ZNF704: variants seen among roughly 807,000 people sequenced by gnomAD.
ZNF704 encodes zinc finger protein 704, also known as glucocorticoid induced gene 1.
ZNF704 carries 10 observed loss-of-function variants against 44.7 expected under a neutral mutation model. The ratio of observed to expected loss-of-function variants is 0.22; its 90% CI spans 0.14 to 0.38. The LOEUF (loss-of-function observed/expected upper bound fraction) is 0.38, where lower values mean the gene tolerates loss of function less well. ZNF704 is among the 10% of genes least tolerant of loss of function. The pLI is 1.00. For synonymous variants in ZNF704, 211 were observed against 207.6 expected, an observed-to-expected ratio of 1.02 and a Z score of -0.14; for missense variants, 390 against 545.5, an observed-to-expected ratio of 0.71 and a Z score of 2.84.
At chr8:80,667,957 C>T (rs750015323) in intron 5 of ZNF704, among the ~76,000 whole-genome samples, 3 of 152,090 alleles carry the variant, frequency 2.0e-5, no homozygotes, top group Admixed American at 2.0e-4. Flanking sequence ...ATAAACACTA[C>T]GTAAAATGCT....
intron 2 of ZNF704, among the ~76,000 whole-genome samples, chr8:80,753,507 AC>A (rs1451549049): frequency 2.6e-5 from 4 of 152,064 alleles, no homozygotes; most frequent in Admixed American, 6.5e-5. Flanking sequence ...CTGAGCCCAA[AC>A]AACAAAAGTT....
At chr8:80,700,182 T>A (rs546233254) in intron 2 of ZNF704, among the ~76,000 whole-genome samples, 216 of 152,340 alleles carry the variant, frequency 1.4e-3, no homozygotes, top group East Asian at 4.4e-3. Context: ...CAGCCTTTTT[T>A]AAATTGCTTG....
intron 2 of ZNF704, among the ~76,000 whole-genome samples, chr8:80,791,629 A>C (rs1586030233): frequency 6.6e-6 from 1 of 152,212 alleles, no homozygotes; most frequent in African/African-American, 2.4e-5. Flanking sequence ...TATACACAGC[A>C]AAACACTTCC....
intron 1 of ZNF704, among the ~76,000 whole-genome samples, chr8:80,850,978 ATAAT>A (rs1381246486): frequency 6.6e-6 from 1 of 152,200 alleles, no homozygotes; most frequent in Non-Finnish European, 1.5e-5. Context: ...TGAGAAATAA[ATAAT>A]TAGACAATTT....
chr8:80,849,376 ACCTTTC>A (rs1808820357), intron 1 of ZNF704, among the ~76,000 whole-genome samples: 1 of 152,166 alleles, frequency 6.6e-6, no homozygotes, highest in African/African-American at 2.4e-5. Context: ...CTACTATGTT[ACCTTTC>A]CCCACCCTCC....
intron 1 of ZNF704, among the ~76,000 whole-genome samples, chr8:80,872,654 A>G (rs950730776): frequency 2.0e-5 from 3 of 152,172 alleles, no homozygotes; most frequent in Admixed American, 1.3e-4. Context: ...ATGAATCTCA[A>G]CGTGGTTTGC....
chr8:80,840,497 A>G (rs753802737), intron 1 of ZNF704, among the ~76,000 whole-genome samples: 12 of 152,212 alleles, frequency 7.9e-5, no homozygotes, highest in Non-Finnish European at 1.6e-4. Context: ...AACAATCATA[A>G]TAATAACAGT....
At chr8:80,768,065 G>A (rs1236336711) in intron 2 of ZNF704, among the ~76,000 whole-genome samples, 1 of 152,150 alleles carries the variant, frequency 6.6e-6, no homozygotes, top group East Asian at 1.9e-4. Flanking sequence ...GGGCATGCAT[G>A]TTGCAACACA....
intron 7 of ZNF704, among the ~76,000 whole-genome samples, chr8:80,643,444 G>C (rs1053150692): frequency 6.7e-6 from 1 of 150,134 alleles, no homozygotes; most frequent in East Asian, 1.9e-4. Flanking sequence ...CTTGAACCCC[G>C]GGGCGGAGGT....
At chr8:80,778,111 AC>A (rs1807446430) in intron 2 of ZNF704, among the ~76,000 whole-genome samples, 1 of 152,138 alleles carries the variant, frequency 6.6e-6, no homozygotes, top group South Asian at 2.1e-4. Flanking sequence ...ATATTTGCAA[AC>A]CACACATCTG....
At chr8:80,681,815 G>A (rs1193707659) in intron 4 of ZNF704, among the ~76,000 whole-genome samples, 1 of 152,138 alleles carries the variant, frequency 6.6e-6, no homozygotes, top group African/African-American at 2.4e-5. Context: ...GAAAGATTGA[G>A]ACTGGGCTAG....
chr8:80,841,266 C>G (rs1310615078), intron 1 of ZNF704, among the ~76,000 whole-genome samples: 1 of 152,220 alleles, frequency 6.6e-6, no homozygotes, highest in Non-Finnish European at 1.5e-5. Flanking sequence ...GAAACCAAGT[C>G]ACACACAGAA....
intron 2 of ZNF704, among the ~76,000 whole-genome samples, chr8:80,708,337 G>A (rs941799098): frequency 6.6e-6 from 1 of 152,218 alleles, no homozygotes; most frequent in African/African-American, 2.4e-5. Flanking sequence ...TTACCGCTGG[G>A]CATAACAGCA....
chr8:80,789,544 T>C (rs1017001102), intron 2 of ZNF704, among the ~76,000 whole-genome samples: 2 of 152,110 alleles, frequency 1.3e-5, no homozygotes, highest in African/African-American at 4.8e-5. Flanking sequence ...GATAAGAGTT[T>C]TGAGACTAGC....
At chr8:80,873,511 G>A (rs947460855) in intron 1 of ZNF704, 1 of 151,024 alleles carries the variant, frequency 6.6e-6, no homozygotes, top group East Asian at 2.0e-4. Context: ...CGGGCTGGCG[G>A]GTCCCACGCG....
chr8:80,801,119 C>G (rs1368611321), intron 2 of ZNF704, among the ~76,000 whole-genome samples: 1 of 152,174 alleles, frequency 6.6e-6, no homozygotes, highest in Non-Finnish European at 1.5e-5. Flanking sequence ...GAAGAGGTAA[C>G]TATCCTAAAT....
At chr8:80,753,421 A>G (rs569714267) in intron 2 of ZNF704, among the ~76,000 whole-genome samples, 7 of 151,950 alleles carry the variant, frequency 4.6e-5, no homozygotes, top group East Asian at 3.9e-4. Context: ...ATGCAAACTT[A>G]TATTTCTGGG....
intron 4 of ZNF704, among the ~76,000 whole-genome samples, chr8:80,684,513 T>G (rs189837108): frequency 6.6e-6 from 1 of 152,148 alleles, no homozygotes; most frequent in Admixed American, 6.5e-5. Flanking sequence ...TCACAATGGG[T>G]TTTAAATGGG....
At chr8:80,655,368 T>C (rs1261261471) in intron 7 of ZNF704, among the ~76,000 whole-genome samples, 1 of 151,310 alleles carries the variant, frequency 6.6e-6, no homozygotes, top group Non-Finnish European at 1.5e-5. Context: ...TTTGGAAAGT[T>C]CCCAGTATAA....
Sources: gnomAD v4.1 joint callset for allele counts (sites outside exome capture counted in the v4.1 genomes callset) on GRCh38, gnomAD v4.1.1 for gene constraint, MANE v1.5 for transcripts, NCBI Gene and HGNC (gene_info 2026-07-23, HGNC 2026-07-21) for gene names.